ADAM32: variants seen among roughly 807,000 people sequenced by gnomAD.
ADAM32 encodes the protein disintegrin and metalloproteinase domain-containing protein 32.
A neutral mutation model predicts 114.9 loss-of-function variants in ADAM32; 89 were observed. That is an observed-to-expected ratio of 0.77 (90% CI 0.65 to 0.92). ADAM32 has a LOEUF of 0.92. Ranked by LOEUF, ADAM32 falls within the 40% of genes least tolerant of loss-of-function variation. The probability of loss-of-function intolerance (pLI) is 0.00; values close to 1 mark genes in which losing one functional copy is unlikely to be tolerated. For missense variants in ADAM32, 870 were observed against 932.8 expected (o/e 0.93, Z 0.88); for synonymous variants, 285 against 307.5 (o/e 0.93, Z 0.77).
intron 12 of ADAM32, among the ~76,000 whole-genome samples, chr8:39,215,860 T>C (rs1363024012): frequency 6.6e-6 from 1 of 152,044 alleles, no homozygotes. Flanking sequence ...AGAATGTGTG[T>C]TTTTCAGCTG....
chr8:39,199,666 C>A (rs1259320819), intron 11 of ADAM32, among the ~76,000 whole-genome samples: 1 of 151,818 alleles, frequency 6.6e-6, no homozygotes, highest in Non-Finnish European at 1.5e-5. Flanking sequence ...TACATGTGAA[C>A]AATGTGCAGG....
At chr8:39,252,828 T>A (rs1199114799) in intron 17 of ADAM32, among the ~76,000 whole-genome samples, 2 of 151,446 alleles carry the variant, frequency 1.3e-5, no homozygotes, top group Non-Finnish European at 3.0e-5. Flanking sequence ...ATTTATAAAT[T>A]CCTAGGATGA....
At chr8:39,220,910 T>A (rs1052500337) in intron 12 of ADAM32, 2 of 151,976 alleles carry the variant, frequency 1.3e-5, no homozygotes, top group Non-Finnish European at 2.9e-5. Flanking sequence ...AAATGTTGTG[T>A]TAGGTCCATT....
chr8:39,122,934 A>C (rs1801863917), intron 2 of ADAM32, among the ~76,000 whole-genome samples: 1 of 152,222 alleles, frequency 6.6e-6, no homozygotes, highest in South Asian at 2.1e-4. Flanking sequence ...AAGCAGACTA[A>C]TGTAAGGTCT....
intron 9 of ADAM32, chr8:39,169,138 G>A (rs1049062786): frequency 2.6e-5 from 4 of 152,176 alleles, no homozygotes; most frequent in African/African-American, 9.7e-5. Flanking sequence ...ATTGAGAATT[G>A]AATTCCAAGC....
At chr8:39,254,311 T>C (rs1397379017) in intron 17 of ADAM32, 103 bp from the exon 18 acceptor site, 1 of 929,666 alleles carries the variant, frequency 1.1e-6, no homozygotes, top group Non-Finnish European at 1.6e-6. Context: ...TCGCTCTAAA[T>C]AAACAAAATT....
At position 39,276,293 on chromosome 8, in the gene ADAM32, T is replaced by C. The variant is rs145918107; in HGVS notation, c.2279+427T>C. The stretch of plus-strand genomic sequence containing the variant: ...TCGCATAGATCACCTGGGAAGAATT[T>C]GTTGAAAAAAAAAAAAGCATCACAA... On this transcript the variant is annotated intron_variant, in intron 22 of 24. Coordinates refer to ENST00000379907, the MANE Select transcript of ADAM32 (RefSeq NM_145004.7). The C allele has an allele frequency of 3.9e-3, 569 of 146,450 alleles. 2 individuals carry two copies. The highest frequency in any genetic ancestry group is 7.0e-3 in the Non-Finnish European group (461 of 66,024). 9.1% of individuals were successfully genotyped at this position (146,450 alleles called of 1,614,324 possible).
intron 10 of ADAM32, among the ~76,000 whole-genome samples, chr8:39,177,206 C>T (rs2129446738): frequency 6.6e-6 from 1 of 152,116 alleles, no homozygotes; most frequent in Non-Finnish European, 1.5e-5. Context: ...ATTACAGGCA[C>T]ACATCACCAT....
At chr8:39,275,389 A>T (rs1266251813) in intron 21 of ADAM32, among the ~76,000 whole-genome samples, 1 of 151,984 alleles carries the variant, frequency 6.6e-6, no homozygotes, top group African/African-American at 2.4e-5. Context: ...GTTTTGCACT[A>T]TTTCTCTGTG....
intron 1 of ADAM32, among the ~76,000 whole-genome samples, chr8:39,111,720 C>CA (rs11343568): frequency 8.4e-4 from 66 of 78,280 alleles, no homozygotes; most frequent in African/African-American, 2.4e-3. Context: ...GACTCTTTCT[C>CA]AAAAAAAAAA....
At chr8:39,238,246 T>C (rs1206670108) in intron 16 of ADAM32, among the ~76,000 whole-genome samples, 1 of 152,192 alleles carries the variant, frequency 6.6e-6, no homozygotes, top group East Asian at 1.9e-4. Context: ...ATGGACCACA[T>C]CACAGGATTC....
At chr8:39,255,750 C>T (rs746375169) in intron 18 of ADAM32, among the ~76,000 whole-genome samples, 2 of 151,880 alleles carry the variant, frequency 1.3e-5, no homozygotes, top group African/African-American at 2.4e-5. Context: ...TTCTATTTAT[C>T]TTTGTTTTTA....
intron 1 of ADAM32, among the ~76,000 whole-genome samples, chr8:39,110,907 G>T (rs1840129595): frequency 6.6e-6 from 1 of 152,184 alleles, no homozygotes; most frequent in African/African-American, 2.4e-5. Flanking sequence ...GCCCCTGGCA[G>T]CCACTGATCT....
chr8:39,141,253 GC>G (rs1250893481), intron 3 of ADAM32, among the ~76,000 whole-genome samples: 1 of 152,088 alleles, frequency 6.6e-6, no homozygotes, highest in Admixed American at 6.5e-5. Flanking sequence ...GTTTGTTCTT[GC>G]TTCTCTAGTT....
chr8:39,158,256 A>G, intron 6 of ADAM32: 1 of 27,950 alleles, frequency 3.6e-5, no homozygotes, highest in Non-Finnish European at 5.8e-5. Flanking sequence ...ATGCTGTTGA[A>G]GTCCTTCTTC....
At chr8:39,171,841 T>G (rs1377677133) in intron 10 of ADAM32, among the ~76,000 whole-genome samples, 1 of 151,172 alleles carries the variant, frequency 6.6e-6, no homozygotes, top group Admixed American at 6.6e-5. Flanking sequence ...TTTTTAATTT[T>G]ATGTAATATC....
intron 2 of ADAM32, among the ~76,000 whole-genome samples, chr8:39,133,837 C>G (rs1301145900): frequency 6.6e-6 from 1 of 152,136 alleles, no homozygotes. Flanking sequence ...CCCTCAGGCT[C>G]AAGGACTGCG....
chr8:39,232,231 G>C, intron 15 of ADAM32, 96 bp downstream of exon 15: 1 of 929,718 alleles, frequency 1.1e-6, no homozygotes, highest in East Asian at 2.7e-5. Flanking sequence ...GTGGTTTAAA[G>C]TATTACATGT....
chr8:39,162,097 G>A (rs1270866471), intron 7 of ADAM32, among the ~76,000 whole-genome samples: 1 of 150,518 alleles, frequency 6.6e-6, no homozygotes, highest in Non-Finnish European at 1.5e-5. Flanking sequence ...TGCCATGTTG[G>A]TGTGCTGCAC....
Sources: allele counts gnomAD v4.1 joint callset (sites outside exome capture counted in the v4.1 genomes callset), GRCh38; gene constraint gnomAD v4.1.1; transcripts MANE v1.5; gene names NCBI Gene and HGNC (gene_info 2026-07-23, HGNC 2026-07-21).